SLC44A5: variants seen among roughly 807,000 people sequenced by gnomAD.
The protein encoded by SLC44A5 is choline transporter-like protein 5.
SLC44A5 carries 57 observed loss-of-function variants against 101.8 expected under a neutral mutation model. The observed-to-expected ratio is 0.56, with a 90% CI of 0.45 to 0.70. The LOEUF (loss-of-function observed/expected upper bound fraction) is 0.70, where lower values mean the gene tolerates loss of function less well. Among genes scored for constraint, SLC44A5 ranks in the 30% least tolerant of loss-of-function variants. The probability of loss-of-function intolerance (pLI) is 0.00; values close to 1 mark genes in which losing one functional copy is unlikely to be tolerated. For missense variants in SLC44A5, 737 were observed against 853.1 expected, an observed-to-expected ratio of 0.86 and a Z score of 1.70; for synonymous variants, 281 against 290.9, an observed-to-expected ratio of 0.97 and a Z score of 0.35.
the SLC44A5 span, among the ~76,000 whole-genome samples, chr1:75,693,442 T>A: frequency 6.6e-6 from 1 of 152,210 alleles, no homozygotes; most frequent in Non-Finnish European, 1.5e-5. Flanking sequence ...AGTTATCTGC[T>A]GTTTGTTCAC....
the SLC44A5 span, among the ~76,000 whole-genome samples, chr1:75,693,638 A>G: frequency 1.4e-4 from 21 of 152,176 alleles, no homozygotes; most frequent in Non-Finnish European, 2.9e-4. Flanking sequence ...TAAAAATGGT[A>G]CGGAAGAGTT....
At chr1:75,279,525 G>C (rs925631612) in intron 5 of SLC44A5, among the ~76,000 whole-genome samples, 7 of 152,126 alleles carry the variant, frequency 4.6e-5, no homozygotes, top group African/African-American at 2.4e-5. Flanking sequence ...CATGGAAATT[G>C]TGAAATAAGA....
chr1:75,519,763 T>C (rs1670018746), intron 2 of SLC44A5, among the ~76,000 whole-genome samples: 1 of 152,232 alleles, frequency 6.6e-6, no homozygotes, highest in Non-Finnish European at 1.5e-5. Context: ...TAACAACAAC[T>C]CTCTAACAAC....
intron 2 of SLC44A5, among the ~76,000 whole-genome samples, chr1:75,528,609 C>T (rs1375932443): frequency 6.6e-6 from 1 of 152,182 alleles, no homozygotes; most frequent in African/African-American, 2.4e-5. Context: ...TTCCCTCCAA[C>T]TTTCTCCAGA....
chr1:75,301,756 G>T (rs1449072773), intron 4 of SLC44A5, among the ~76,000 whole-genome samples: 1 of 152,158 alleles, frequency 6.6e-6, no homozygotes, highest in Non-Finnish European at 1.5e-5. Context: ...AGGCTATTAT[G>T]GGTAGTAAAG....
chr1:75,268,331 C>T (rs534114008), intron 6 of SLC44A5, among the ~76,000 whole-genome samples: 4 of 152,266 alleles, frequency 2.6e-5, no homozygotes, highest in East Asian at 3.9e-4. Context: ...TCCCTCACCC[C>T]GTAACCACAA....
Position 75,511,185 on chromosome 1 carries a change from C to T in SLC44A5, c.13+30250G>A, listed in dbSNP as rs542993266. On this transcript the variant is annotated intron_variant, in intron 2 of 23. Coordinates refer to ENST00000370859, the MANE Select transcript of SLC44A5 (RefSeq NM_001130058.2). ...AAAGAAAAGAAAAAATGGCACAAAC[C>T]TTGGGAAAAATTCAAAATGTTGCCT... is the stretch of plus-strand genomic sequence containing the variant. Among the ~76,000 whole-genome samples, 22 of 152,148 alleles carry T rather than the reference C, an allele frequency of 1.4e-4. No individual in the cohort carries two copies. In the South Asian group the frequency reaches 4.2e-3, roughly 29 times the overall value.
At chr1:75,384,332 C>T (rs915906837) in intron 3 of SLC44A5, among the ~76,000 whole-genome samples, 10 of 148,398 alleles carry the variant, frequency 6.7e-5, no homozygotes, top group African/African-American at 2.0e-4. Flanking sequence ...CAGAGACACA[C>T]ATAGGCTCAA....
chr1:75,280,006 G>A (rs1403631340), intron 5 of SLC44A5, among the ~76,000 whole-genome samples: 1 of 148,008 alleles, frequency 6.8e-6, no homozygotes, highest in East Asian at 2.0e-4. Context: ...ACGATGTTTG[G>A]TTTTGCATTC....
chr1:75,383,867 AC>A (rs1237748828), intron 3 of SLC44A5, among the ~76,000 whole-genome samples: 1 of 152,112 alleles, frequency 6.6e-6, no homozygotes. Flanking sequence ...CTCAGCAGAA[AC>A]CCTACAAGCC....
chr1:75,717,111 G>C, the SLC44A5 span, among the ~76,000 whole-genome samples: 3 of 151,968 alleles, frequency 2.0e-5, no homozygotes, highest in Non-Finnish European at 4.4e-5. Flanking sequence ...AAAGAAATAA[G>C]ATCATGTCAT....
chr1:75,482,951 G>A (rs999866952), intron 2 of SLC44A5, among the ~76,000 whole-genome samples: 11 of 152,100 alleles, frequency 7.2e-5, no homozygotes, highest in South Asian at 2.1e-4. Flanking sequence ...CACATGATAC[G>A]TTAAGTTTAC....
At chr1:75,684,589 C>CAAAA in the SLC44A5 span, among the ~76,000 whole-genome samples, 1 of 152,278 alleles carries the variant, frequency 6.6e-6, no homozygotes, top group Middle Eastern at 3.4e-3. Flanking sequence ...CATGCAAGTC[C>CAAAA]AAAATCCAGC....
At chr1:75,649,424 G>C in the SLC44A5 span, among the ~76,000 whole-genome samples, 2 of 152,160 alleles carry the variant, frequency 1.3e-5, no homozygotes, top group Non-Finnish European at 2.9e-5. Context: ...GAAGTTCTGT[G>C]AATAGCTAGA....
chr1:75,494,413 C>G (rs1668569740), intron 2 of SLC44A5, among the ~76,000 whole-genome samples: 1 of 152,062 alleles, frequency 6.6e-6, no homozygotes, highest in African/African-American at 2.4e-5. Flanking sequence ...TAGCTAGTAC[C>G]CAAGGAATTA....
chr1:75,269,488 A>T (rs184746680), intron 6 of SLC44A5, among the ~76,000 whole-genome samples: 2 of 152,028 alleles, frequency 1.3e-5, no homozygotes, highest in Non-Finnish European at 1.5e-5. Context: ...CCATAATTCT[A>T]TAAATATACC....
At chr1:75,582,533 G>T in intron 1 of SLC44A5, 1 of 537,980 alleles carries the variant, frequency 1.9e-6, no homozygotes, top group Non-Finnish European at 3.3e-6. Flanking sequence ...TCCCAAAGGC[G>T]CCCAGGCCAC....
At chr1:75,369,015 CATTT>C (rs1660048754) in intron 3 of SLC44A5, among the ~76,000 whole-genome samples, 2 of 150,992 alleles carry the variant, frequency 1.3e-5, no homozygotes, top group Non-Finnish European at 1.5e-5. Context: ...CTCTTTCTCA[CATTT>C]TTTTTTTTTT....
intron 5 of SLC44A5, 76 bp from the exon 6 acceptor site, chr1:75,275,118 G>T: frequency 2.0e-6 from 2 of 1,023,542 alleles, no homozygotes; most frequent in Non-Finnish European, 3.0e-6. Flanking sequence ...ATATTAGAAT[G>T]CACCACTGCA....
Sources: gnomAD v4.1 joint callset for allele counts (sites outside exome capture counted in the v4.1 genomes callset) on GRCh38, gnomAD v4.1.1 for gene constraint, MANE v1.5 for transcripts, NCBI Gene and HGNC (gene_info 2026-07-23, HGNC 2026-07-21) for gene names.